The following AK8 variants were observed in gnomAD, a reference collection of about 807,000 sequenced individuals.
AK8 encodes the protein ATP-AMP transphosphorylase 8.
Under a neutral mutation model 54.6 loss-of-function variants are expected in AK8, and 44 were observed. The ratio of observed to expected loss-of-function variants is 0.81; its 90% CI spans 0.63 to 1.04. The LOEUF (loss-of-function observed/expected upper bound fraction) is 1.04, where lower values mean the gene tolerates loss of function less well. Ranked by LOEUF, AK8 falls within the 50% of genes least tolerant of loss-of-function variation. The probability of loss-of-function intolerance (pLI) is 0.00; values close to 1 mark genes in which losing one functional copy is unlikely to be tolerated. For synonymous variants in AK8, 239 were observed against 245.6 expected, an observed-to-expected ratio of 0.97 and a Z score of 0.25; for missense variants, 555 against 613.6, an observed-to-expected ratio of 0.90 and a Z score of 1.01.
chr9:132,826,246 G>T lies in AK8; in HGVS notation c.757+608C>A, dbSNP rs1398299447. On this transcript the variant is annotated intron_variant, in intron 8 of 12. Coordinates refer to ENST00000298545, the MANE Select transcript of AK8 (RefSeq NM_152572.3). This position sits in a 1 kb window ranked among gnomAD's most constrained non-coding sequence, Gnocchi z 4.5. Reference sequence around the variant, plus strand: ...TAGGAGAAGTGCCAGAGGCTGCACAGCTGGGCTGCGTCGGGGCTGAGATTT... The same window carrying T: ...TAGGAGAAGTGCCAGAGGCTGCACATCTGGGCTGCGTCGGGGCTGAGATTT... Among the ~76,000 whole-genome samples the T allele has an allele frequency of 6.6e-6, 1 of 152,180 alleles. No individual in the cohort carries two copies. Among genetic ancestry groups the T allele is most frequent in the Non-Finnish European group, 1.5e-5 (1 of 68,024 alleles).
intron 9 of AK8, among the ~76,000 whole-genome samples, chr9:132,822,423 T>C (rs542868546): frequency 1.8e-4 from 27 of 151,672 alleles, no homozygotes; most frequent in East Asian, 1.8e-3. Context: ...TATATTCATA[T>C]GGTATGCCTG....
intron 11 of AK8, among the ~76,000 whole-genome samples, chr9:132,754,842 G>C (rs183883243): frequency 0.011 from 1,679 of 146,564 alleles, 35 homozygotes; most frequent in African/African-American, 0.041. Context: ...TCTTGTTGCC[G>C]AGGCTGGAGT....
rs928127378 is a variant in AK8, at chr9:132,791,921, G to A, written c.1121+713C>T. On this transcript the variant is annotated intron_variant, in intron 11 of 12. Transcript: ENST00000298545. This position sits in a 1 kb window ranked among gnomAD's most constrained non-coding sequence, Gnocchi z 4.0. ...CTTAACCAGTCACACAGGAGGCCCC[G>A]CCTCTAGTTAACCCACCCAGCTTCC... 4.6e-5 allele frequency among the ~76,000 whole-genome samples: 7 copies of A among 152,162 alleles called. No individual in the cohort carries two copies. Among genetic ancestry groups the A allele is most frequent in the East Asian group, 1.9e-4 (1 of 5,198 alleles).
rs1272980633 is a variant in AK8 at position 132,802,833 on chromosome 9, C to G, written c.980-10058G>C. On this transcript the variant is annotated intron_variant, in intron 10 of 12. Coordinates refer to ENST00000298545, the MANE Select transcript of AK8 (RefSeq NM_152572.3). The stretch of plus-strand genomic sequence containing the variant: ...GAGACCTCCTTGCCATGTCCTGCCC[C>G]AAACCCTGACCCACTAAATCAGGAG... Among the ~76,000 whole-genome samples the G allele has an allele frequency of 9.2e-5, 14 of 152,332 alleles. No individual in the cohort carries two copies. In the East Asian group the frequency reaches 1.3e-3, roughly 15 times the overall value.
intron 3 of AK8, among the ~76,000 whole-genome samples, chr9:132,864,155 T>C (rs1843499195): frequency 6.6e-6 from 1 of 152,072 alleles, no homozygotes; most frequent in Admixed American, 6.5e-5. Context: ...CCACACTCAG[T>C]GTTCTTTTTT....
intron 11 of AK8, among the ~76,000 whole-genome samples, chr9:132,789,193 G>A (rs1001589292): frequency 9.2e-5 from 14 of 152,112 alleles, no homozygotes; most frequent in Non-Finnish European, 1.8e-4. Flanking sequence ...TACTTGGGAG[G>A]CTGAGGCAGG....
chr9:132,831,033 T>C (rs1232770134), intron 5 of AK8, among the ~76,000 whole-genome samples: 1 of 152,252 alleles, frequency 6.6e-6, no homozygotes, highest in Non-Finnish European at 1.5e-5. Context: ...CAATACAGTC[T>C]ATCTTTTCCC....
At chr9:132,794,485 A>G (rs1380439393) in intron 10 of AK8, among the ~76,000 whole-genome samples, 1 of 152,132 alleles carries the variant, frequency 6.6e-6, no homozygotes. Flanking sequence ...CTCCCCAGGG[A>G]AGTCTCTGAG....
At chr9:132,801,045 C>G (rs1170711717) in intron 10 of AK8, among the ~76,000 whole-genome samples, 1 of 151,974 alleles carries the variant, frequency 6.6e-6, no homozygotes, top group East Asian at 1.9e-4. Context: ...CTGCCTCAGC[C>G]TCGTGAGTGA....
chr9:132,878,223 G>A lies in AK8; in HGVS notation c.33C>T (p.Pro11=), dbSNP rs1844236128. 8 of 1,458,752 alleles carry A rather than the reference G, an allele frequency of 5.5e-6. No individual in the cohort carries two copies. The East Asian group carries it at 7.6e-5, about 14-fold the overall frequency. The allele number at this position is 1,458,752 out of a possible 1,614,324, so 90.4% of individuals were successfully genotyped here. A position where few individuals can be genotyped will look rare whatever the true frequency, so the allele number is the denominator to read the frequency against. Residue 11 remains proline (P), a synonymous_variant, in exon 1 of 13, where the codon CCC becomes CCT. Coordinates refer to ENST00000298545, the MANE Select transcript of AK8 (RefSeq NM_152572.3). This position sits in a 1 kb window ranked among gnomAD's most constrained non-coding sequence, Gnocchi z 4.7. MDATIAPHRI[P]PEMPQYGEEN... ...CCTCCCCGTACTGGGGCATCTCGGG[G>A]GGGATACGGTGCGGGGCGATAGTGG...
rs565935926 is a variant in AK8 at position 132,783,799 on chromosome 9, A to G, written c.1121+8835T>C. 2.6e-5 allele frequency among the ~76,000 whole-genome samples: 4 copies of G among 152,296 alleles called. No homozygotes were observed. In the East Asian group the frequency reaches 7.7e-4, roughly 29 times the overall value. On this transcript the variant is annotated intron_variant, in intron 11 of 12. Coordinates refer to ENST00000298545, the MANE Select transcript of AK8 (RefSeq NM_152572.3). ...AGGAAAAATGCCTAAGGGGAAAAGTAAAAGCATTATGGAAACAAAAAAACA... is the reference window on the plus strand; with the variant it reads ...AGGAAAAATGCCTAAGGGGAAAAGTGAAAGCATTATGGAAACAAAAAAACA...
At chr9:132,733,067 A>T (rs1376046698) in intron 11 of AK8, among the ~76,000 whole-genome samples, 1 of 152,024 alleles carries the variant, frequency 6.6e-6, no homozygotes, top group Non-Finnish European at 1.5e-5. Context: ...GCCTGATGAA[A>T]ACTGCAGCTG....
At chr9:132,788,288 A>G (rs957674812) in intron 11 of AK8, among the ~76,000 whole-genome samples, 4 of 152,250 alleles carry the variant, frequency 2.6e-5, no homozygotes, top group African/African-American at 9.6e-5. Context: ...ACAAAATTGT[A>G]TGCTTGTATC....
chr9:132,799,493 C>T lies in AK8; in HGVS notation c.980-6718G>A, dbSNP rs172542. On this transcript the variant is annotated intron_variant, in intron 10 of 12. Transcript: ENST00000298545. This position sits in a 1 kb window ranked among gnomAD's most constrained non-coding sequence, Gnocchi z 5.0. ...TCACCCCTCCATGCACACTCATAAA[C>T]GCCCCCACACACTACATACATGTCT... Among the ~76,000 whole-genome samples the T allele has an allele frequency of 3.5e-4, 53 of 152,034 alleles. No homozygotes were observed. Among genetic ancestry groups the T allele is most frequent in the African/African-American group, 9.2e-4 (38 of 41,420 alleles).
Position 132,746,433 on chromosome 9 carries a change from A to G in AK8, c.1122-18899T>C, listed in dbSNP as rs557820532. Among the ~76,000 whole-genome samples, 342 of 152,366 alleles carry G rather than the reference A, an allele frequency of 2.2e-3. 4 individuals carry two copies. Among genetic ancestry groups the G allele is most frequent in the African/African-American group, 8.1e-3 (335 of 41,588 alleles). On this transcript the variant is annotated intron_variant, in intron 11 of 12. Coordinates refer to ENST00000298545, the MANE Select transcript of AK8 (RefSeq NM_152572.3). ...ACACCAGGAATGCATGGCCAAGGGC[A>G]GCCCCAGGTTCCCCATCTAAGGGGA...
At chr9:132,861,230 G>T (rs183175141) in intron 4 of AK8, among the ~76,000 whole-genome samples, 6 of 152,312 alleles carry the variant, frequency 3.9e-5, no homozygotes. Flanking sequence ...ACATTACAGT[G>T]TGCCCTTTGG....
intron 2 of AK8, among the ~76,000 whole-genome samples, chr9:132,872,873 G>A (rs559757398): frequency 9.2e-5 from 14 of 152,300 alleles, no homozygotes; most frequent in South Asian, 2.1e-4. Flanking sequence ...GTGCAGTGGC[G>A]TGATCTCTAC....
chr9:132,848,329 T>G (rs1026063949), intron 5 of AK8, among the ~76,000 whole-genome samples: 1 of 152,074 alleles, frequency 6.6e-6, no homozygotes, highest in East Asian at 1.9e-4. Context: ...TCCCCTTTAA[T>G]GCTCTGCCAA....
At chr9:132,785,355 G>A (rs1160567659) in intron 11 of AK8, among the ~76,000 whole-genome samples, 2 of 152,168 alleles carry the variant, frequency 1.3e-5, no homozygotes, top group Non-Finnish European at 2.9e-5. Context: ...ACCTGCCTCG[G>A]CCTCCCAAAG....
Sources: allele counts gnomAD v4.1 joint callset (sites outside exome capture counted in the v4.1 genomes callset), GRCh38; gene constraint gnomAD v4.1.1; non-coding constraint Gnocchi (gnomAD v3.1); transcripts MANE v1.5; gene names NCBI Gene and HGNC (gene_info 2026-07-23, HGNC 2026-07-21).